The following BMPR1A variants were observed in gnomAD, a reference collection of about 807,000 sequenced individuals.
BMPR1A encodes bone morphogenetic protein receptor type-1A.
BMPR1A carries 7 observed loss-of-function variants against 66.0 expected under a neutral mutation model. The ratio of observed to expected loss-of-function variants is 0.11; its 90% CI spans 0.06 to 0.20. The LOEUF is 0.20. Among genes scored for constraint, BMPR1A ranks in the 10% least tolerant of loss-of-function variants. The pLI is 1.00. For missense variants in BMPR1A, 408 were observed against 669.1 expected, an observed-to-expected ratio of 0.61 and a Z score of 4.31; for synonymous variants, 200 against 229.7, an observed-to-expected ratio of 0.87 and a Z score of 1.17.
chr10:86,758,682 A>C (rs1847920625), intron 1 of BMPR1A, among the ~76,000 whole-genome samples: 2 of 152,222 alleles, frequency 1.3e-5, no homozygotes, highest in South Asian at 4.1e-4. Flanking sequence ...AGTCATTCAC[A>C]ATCCATCTCT....
intron 1 of BMPR1A, among the ~76,000 whole-genome samples, chr10:86,786,644 CTTATTT>C (rs1841522349): frequency 6.6e-6 from 1 of 152,186 alleles, no homozygotes; most frequent in Non-Finnish European, 1.5e-5. Flanking sequence ...CCTTGTTGAT[CTTATTT>C]GACCCACTGG....
intron 1 of BMPR1A, among the ~76,000 whole-genome samples, chr10:86,788,994 G>A (rs977943310): frequency 3.9e-5 from 6 of 152,080 alleles, no homozygotes; most frequent in African/African-American, 1.4e-4. Flanking sequence ...TTACCATGAT[G>A]CACTTGCCTT....
At chr10:86,794,235 T>A (rs1021933695) in intron 1 of BMPR1A, among the ~76,000 whole-genome samples, 2 of 152,076 alleles carry the variant, frequency 1.3e-5, no homozygotes, top group African/African-American at 2.4e-5. Context: ...GAACTGTTAA[T>A]TTTATCTATT....
At chr10:86,862,695 T>G (rs1564706419) in intron 2 of BMPR1A, among the ~76,000 whole-genome samples, 1 of 151,756 alleles carries the variant, frequency 6.6e-6, no homozygotes, top group Non-Finnish European at 1.5e-5. Context: ...GTGGATTTGA[T>G]GACAGGAAAT....
chr10:86,924,175 A>C lies in BMPR1A; in HGVS notation c.*456A>C. On this transcript the variant is annotated 3_prime_UTR_variant, in exon 13 of 13. Transcript: ENST00000372037. ...TCTACCTTTGTAAAACAGCCTATAG[A>C]TGATGATGTGTTTGGGATACTGCTT... 3.1e-6 allele frequency: 1 copy of C among 324,304 alleles called. No homozygotes were observed. Among genetic ancestry groups the C allele is most frequent in the African/African-American group, 2.1e-5 (1 of 48,114 alleles). The allele number at this position is 324,304 out of a possible 1,614,324, so 20.1% of individuals were successfully genotyped here.
chr10:86,862,283 C>T (rs897330019), intron 2 of BMPR1A, among the ~76,000 whole-genome samples: 6 of 152,106 alleles, frequency 3.9e-5, no homozygotes, highest in Non-Finnish European at 7.4e-5. Context: ...TGAGTAAGTG[C>T]TTGGAAGGGG....
At chr10:86,891,129 G>A (rs986992263) in intron 4 of BMPR1A, among the ~76,000 whole-genome samples, 3 of 152,144 alleles carry the variant, frequency 2.0e-5, no homozygotes, top group African/African-American at 4.8e-5. Context: ...CCTGCATGAC[G>A]GTCATCGTGT....
chr10:86,909,194 G>T (rs139065147), intron 7 of BMPR1A, among the ~76,000 whole-genome samples: 1 of 152,126 alleles, frequency 6.6e-6, no homozygotes, highest in Admixed American at 6.5e-5. Flanking sequence ...TTGGGAAGCC[G>T]CAGGGTGTTA....
intron 2 of BMPR1A, among the ~76,000 whole-genome samples, chr10:86,843,815 T>C (rs1449601918): frequency 6.6e-6 from 1 of 152,180 alleles, no homozygotes; most frequent in Non-Finnish European, 1.5e-5. Flanking sequence ...CAGTGACATA[T>C]AAACTATACA....
intron 1 of BMPR1A, among the ~76,000 whole-genome samples, chr10:86,786,044 T>C (rs1182036508): frequency 1.3e-5 from 2 of 152,204 alleles, no homozygotes; most frequent in Non-Finnish European, 2.9e-5. Flanking sequence ...AGAAAACAGA[T>C]ACCACAAGAA....
intron 3 of BMPR1A, among the ~76,000 whole-genome samples, chr10:86,884,370 G>A (rs1199293064): frequency 7.2e-6 from 1 of 138,452 alleles, no homozygotes; most frequent in East Asian, 2.3e-4. Context: ...ACAGGCATGA[G>A]CCACCATGCC....
chr10:86,897,475 G>A (rs1843241089), intron 5 of BMPR1A, among the ~76,000 whole-genome samples: 1 of 152,120 alleles, frequency 6.6e-6, no homozygotes, highest in South Asian at 2.1e-4. Flanking sequence ...AAGTTTTTTG[G>A]CTTAGTCTAG....
intron 1 of BMPR1A, among the ~76,000 whole-genome samples, chr10:86,765,989 C>CTTTTTTTTTTTTTTTTTTT (rs67035271): frequency 1.5e-5 from 2 of 131,796 alleles, no homozygotes; most frequent in South Asian, 2.5e-4. Context: ...TTTCCTCATT[C>CTTTTTTTTTTTTTTTTTTT]TTTTTTTTTT....
At chr10:86,851,136 A>C (rs1842561973) in intron 2 of BMPR1A, among the ~76,000 whole-genome samples, 1 of 152,220 alleles carries the variant, frequency 6.6e-6, no homozygotes, top group African/African-American at 2.4e-5. Flanking sequence ...AAATCACAAA[A>C]GGATGGTGAT....
chr10:86,878,206 C>T (rs1232642562), intron 3 of BMPR1A, among the ~76,000 whole-genome samples: 1 of 152,148 alleles, frequency 6.6e-6, no homozygotes, highest in African/African-American at 2.4e-5. Flanking sequence ...ATAAACTTAT[C>T]TGTACCTTGG....
At chr10:86,797,068 C>CTTTTTTTTTTTTTTTT (rs780930060) in intron 1 of BMPR1A, among the ~76,000 whole-genome samples, 3 of 105,028 alleles carry the variant, frequency 2.9e-5, no homozygotes, top group Non-Finnish European at 5.9e-5. Context: ...CTTTTCTTTT[C>CTTTTTTTTTTTTTTTT]TTTTTTTTTT....
Position 86,816,722 on chromosome 10 carries a change from C to T in BMPR1A, c.-267-22143C>T, listed in dbSNP as rs150212977. Among the ~76,000 whole-genome samples the T allele has an allele frequency of 1.6e-3, 244 of 152,248 alleles. 1 individual carries two copies. Among genetic ancestry groups the T allele is most frequent in the African/African-American group, 5.3e-3 (219 of 41,526 alleles). On this transcript the variant is annotated intron_variant, in intron 1 of 12. Transcript: ENST00000372037. ...GGCTTCAGGAAAGAGATCAACAGAG[C>T]CCGATATTTAAGGCTCTCCGTATCT...
intron 1 of BMPR1A, among the ~76,000 whole-genome samples, chr10:86,823,316 ACTGTCTGCCTGGC>A (rs1289270569): frequency 3.3e-5 from 5 of 152,196 alleles, no homozygotes; most frequent in African/African-American, 1.2e-4. Flanking sequence ...CTTAGTGCTT[ACTGTCTGCCTGGC>A]ACTGTTCTAA....
At chr10:86,792,330 G>C (rs963056470) in intron 1 of BMPR1A, among the ~76,000 whole-genome samples, 1 of 152,142 alleles carries the variant, frequency 6.6e-6, no homozygotes, top group African/African-American at 2.4e-5. Flanking sequence ...TTCCCAGAGT[G>C]CTGGGATTAC....
Sources: gnomAD v4.1 joint callset for allele counts (sites outside exome capture counted in the v4.1 genomes callset) on GRCh38, gnomAD v4.1.1 for gene constraint, MANE v1.5 for transcripts, NCBI Gene and HGNC (gene_info 2026-07-23, HGNC 2026-07-21) for gene names.